Variants in ZC2HC1B observed in about 807,000 individuals in gnomAD.
The protein encoded by ZC2HC1B is zinc finger C2HC domain-containing protein 1B.
ZC2HC1B carries 36 observed loss-of-function variants against 31.0 expected under a neutral mutation model. The observed-to-expected ratio is 1.16, with a 90% confidence interval of 0.89 to 1.54. ZC2HC1B has a LOEUF of 1.54. ZC2HC1B is among the 40% of genes most tolerant of loss of function. ZC2HC1B has a pLI of 0.00. For missense variants in ZC2HC1B, 260 were observed against 268.6 expected (o/e 0.97, Z 0.22); for synonymous variants, 73 against 88.0 (o/e 0.83, Z 0.95).
At chr6:143,890,135 G>A (rs1339423815) in intron 4 of ZC2HC1B, among the ~76,000 whole-genome samples, 2 of 152,142 alleles carry the variant, frequency 1.3e-5, no homozygotes, top group East Asian at 3.9e-4. Flanking sequence ...CTAACTTTGT[G>A]GGATGCAGCT....
rs966004980 is a variant in ZC2HC1B at position 143,886,744 on chromosome 6, G to A, written c.272G>A (p.Arg91Gln). The change falls in exon 4 of 8, where the codon CGA (arginine) becomes CAA (glutamine). Residue 91 changes from arginine (R) to glutamine (Q), a missense_variant. Arg to Gln is a conservative substitution (Grantham distance 43). Coordinates refer to ENST00000237275, the MANE Select transcript of ZC2HC1B (RefSeq NM_001013623.3). The surrounding 1 kb of genome is among the most constrained non-coding windows in gnomAD (Gnocchi z 4.2). Reference protein sequence around the residue: ...QQHEDFINAIRSAKQCMLAIK... With the variant: ...QQHEDFINAIQSAKQCMLAIK... The stretch of plus-strand genomic sequence containing the variant: ...CATGAAGACTTTATTAATGCAATCC[G>A]ATCAGCAAAGCAGTGTATGCTAGCC... 8 of 1,549,382 alleles carry A rather than the reference G, an allele frequency of 5.2e-6. No individual in the cohort carries two copies. Among genetic ancestry groups the A allele is most frequent in the Non-Finnish European group, 6.1e-6 (7 of 1,145,860 alleles).
At chr6:143,877,827 T>C (rs887285300) in intron 1 of ZC2HC1B, among the ~76,000 whole-genome samples, 3 of 150,406 alleles carry the variant, frequency 2.0e-5, no homozygotes, top group African/African-American at 7.4e-5. Flanking sequence ...CTTTACATAT[T>C]TGCTAGTGGA....
rs201300470 is a variant in ZC2HC1B, at chr6:143,924,760, GA to G, written c.599-12886del. Among the ~76,000 whole-genome samples, 409 of 152,268 alleles carry G rather than the reference GA, an allele frequency of 2.7e-3. 7 individuals carry two copies. The East Asian group carries it at 0.043, about 16-fold the overall frequency. On this transcript the variant is annotated intron_variant, in intron 6 of 7. Coordinates refer to ENST00000237275, the MANE Select transcript of ZC2HC1B (RefSeq NM_001013623.3). The surrounding 1 kb of genome is among the most constrained non-coding windows in gnomAD (Gnocchi z 5.2). ...ATAAAATTCCTTTTCTCTGTCTCTT[GA>G]AATGATCATATTGTTTTTGTCTTTC...
Position 143,929,330 on chromosome 6 carries a change from T to C in ZC2HC1B, c.599-8319T>C, listed in dbSNP as rs140763777. Among the ~76,000 whole-genome samples, 44 of 152,336 alleles carry C rather than the reference T, an allele frequency of 2.9e-4. No individual in the cohort carries two copies. The East Asian group carries it at 8.3e-3, about 29-fold the overall frequency. On this transcript the variant is annotated intron_variant, in intron 6 of 7. Transcript: ENST00000237275. ...TTATCAAATGCTTTTTCTAATCTAT[T>C]GAGATGATAATATGGTTTTTGTTTT...
At chr6:143,874,235 C>T (rs1004291894) in intron 1 of ZC2HC1B, among the ~76,000 whole-genome samples, 17 of 152,168 alleles carry the variant, frequency 1.1e-4, no homozygotes, top group African/African-American at 3.9e-4. Flanking sequence ...TCCTCATCTC[C>T]ATCTGAGATC....
intron 4 of ZC2HC1B, among the ~76,000 whole-genome samples, chr6:143,894,851 C>T (rs774050092): frequency 6.6e-6 from 1 of 152,148 alleles, no homozygotes; most frequent in Non-Finnish European, 1.5e-5. Context: ...GAATTTCTCT[C>T]ACATTTTAGA....
At chr6:143,875,578 C>G (rs1409015359) in intron 1 of ZC2HC1B, among the ~76,000 whole-genome samples, 1 of 150,824 alleles carries the variant, frequency 6.6e-6, no homozygotes, top group Non-Finnish European at 1.5e-5. Flanking sequence ...ATACCACACC[C>G]TTAATATCCA....
rs972883396 is a variant in ZC2HC1B at position 143,915,078 on chromosome 6, C to T, written c.598+11926C>T. Reference sequence around the variant, plus strand: ...CTTTTTTGTTCCTCGTTTCCTGCATCACTGTTGATATGATTTGGCTGTGTC... The same window carrying T: ...CTTTTTTGTTCCTCGTTTCCTGCATTACTGTTGATATGATTTGGCTGTGTC... On this transcript the variant is annotated intron_variant, in intron 6 of 7. Transcript: ENST00000237275. This position sits in a 1 kb window ranked among gnomAD's most constrained non-coding sequence, Gnocchi z 5.2. 6.6e-6 allele frequency among the ~76,000 whole-genome samples: 1 copy of T among 152,160 alleles called. No homozygotes were observed. Among genetic ancestry groups the T allele is most frequent in the Non-Finnish European group, 1.5e-5 (1 of 68,016 alleles).
rs1232779910 is a variant in ZC2HC1B, at chr6:143,887,167, G to A, written c.349+346G>A. Among the ~76,000 whole-genome samples the A allele has an allele frequency of 6.6e-6, 1 of 151,798 alleles. No homozygotes were observed. Among genetic ancestry groups the A allele is most frequent in the Non-Finnish European group, 1.5e-5 (1 of 67,966 alleles). ...ACCCACAGCAATTTTTTTTTTCCAGGTAAAATTCCCAAAACATGAAATTTA... is the reference window on the plus strand; with the variant it reads ...ACCCACAGCAATTTTTTTTTTCCAGATAAAATTCCCAAAACATGAAATTTA... On this transcript the variant is annotated intron_variant, in intron 4 of 7. Coordinates refer to ENST00000237275, the MANE Select transcript of ZC2HC1B (RefSeq NM_001013623.3). The surrounding 1 kb of genome is among the most constrained non-coding windows in gnomAD (Gnocchi z 5.1).
Position 143,868,182 on chromosome 6 carries a change from C to G in ZC2HC1B, c.28+3615C>G, listed in dbSNP as rs1777289995. 6.6e-6 allele frequency among the ~76,000 whole-genome samples: 1 copy of G among 152,200 alleles called. No homozygotes were observed. The highest frequency in any genetic ancestry group is 1.9e-4 in the East Asian group (1 of 5,202). On this transcript the variant is annotated intron_variant, in intron 1 of 7. Transcript: ENST00000237275. This position sits in a 1 kb window ranked among gnomAD's most constrained non-coding sequence, Gnocchi z 4.2. Reference sequence around the variant, plus strand: ...TGGAAGTCTGTAGAATCTGTCTTCACTGTTCTGAAACTTCCATTTTACTGA... The same window carrying G: ...TGGAAGTCTGTAGAATCTGTCTTCAGTGTTCTGAAACTTCCATTTTACTGA...
chr6:143,868,740 A>C lies in ZC2HC1B; in HGVS notation c.28+4173A>C, dbSNP rs1777301050. Among the ~76,000 whole-genome samples the C allele has an allele frequency of 6.6e-6, 1 of 152,234 alleles. No individual in the cohort carries two copies. ...CATACATAATCTTCAAATAAAGACAATAATAAGGTCATAATTATGCCTAAC... is the reference window on the plus strand; with the variant it reads ...CATACATAATCTTCAAATAAAGACACTAATAAGGTCATAATTATGCCTAAC... On this transcript the variant is annotated intron_variant, in intron 1 of 7. Coordinates refer to ENST00000237275, the MANE Select transcript of ZC2HC1B (RefSeq NM_001013623.3). The surrounding 1 kb of genome is among the most constrained non-coding windows in gnomAD (Gnocchi z 4.2).
Position 143,870,604 on chromosome 6 carries a change from A to C in ZC2HC1B, c.28+6037A>C, listed in dbSNP as rs1231535115. On this transcript the variant is annotated intron_variant, in intron 1 of 7. Transcript: ENST00000237275. The surrounding 1 kb of genome is among the most constrained non-coding windows in gnomAD (Gnocchi z 4.7). ...AGATGGGTCAGAAAGCACTCAGTTC[A>C]TGATAGGCAGGTCAGGTTGCATGGT... 6.6e-6 allele frequency among the ~76,000 whole-genome samples: 1 copy of C among 152,190 alleles called. No individual in the cohort carries two copies. The highest frequency in any genetic ancestry group is 1.5e-5 in the Non-Finnish European group (1 of 68,036).
At position 143,871,851 on chromosome 6, in the gene ZC2HC1B, A is replaced by G. The variant is rs1777345026; in HGVS notation, c.28+7284A>G. Reference sequence around the variant, plus strand: ...CCAGCTGCTAAGTATGTCTATGCCAATTTTGCATTCTGGCACTGGGGAAAT... The same window carrying G: ...CCAGCTGCTAAGTATGTCTATGCCAGTTTTGCATTCTGGCACTGGGGAAAT... On this transcript the variant is annotated intron_variant, in intron 1 of 7. Coordinates refer to ENST00000237275, the MANE Select transcript of ZC2HC1B (RefSeq NM_001013623.3). This position sits in a 1 kb window ranked among gnomAD's most constrained non-coding sequence, Gnocchi z 4.1. 6.6e-6 allele frequency among the ~76,000 whole-genome samples: 1 copy of G among 152,108 alleles called. No homozygotes were observed. The highest frequency in any genetic ancestry group is 2.4e-5 in the African/African-American group (1 of 41,420).
In ZC2HC1B at chr6:143,935,728, C is replaced by G. The variant is rs150260225; in HGVS notation, c.599-1921C>G. Among the ~76,000 whole-genome samples, 299 of 127,094 alleles carry G rather than the reference C, an allele frequency of 2.4e-3. 6 individuals are homozygous for G. The East Asian group carries it at 0.045, about 19-fold the overall frequency. The allele number at this position is 127,094 out of a possible 152,430, so 83.4% of individuals were successfully genotyped here. A position where few individuals can be genotyped will look rare whatever the true frequency, so the allele number is the denominator to read the frequency against. On this transcript the variant is annotated intron_variant, in intron 6 of 7. Coordinates refer to ENST00000237275, the MANE Select transcript of ZC2HC1B (RefSeq NM_001013623.3). The stretch of plus-strand genomic sequence containing the variant: ...ATAGTGCAGTAGCTTGATCAAAGCT[C>G]TCTACAGCCTTGACTTCCTGGGTAC...
chr6:143,879,035 C>T (rs1278031274), intron 1 of ZC2HC1B, among the ~76,000 whole-genome samples: 4 of 152,100 alleles, frequency 2.6e-5, no homozygotes, highest in African/African-American at 4.8e-5. Context: ...GGGCAGGGCG[C>T]GATCTAGGAA....
Position 143,908,399 on chromosome 6 carries a change from T to C in ZC2HC1B, c.598+5247T>C, listed in dbSNP as rs780798100. 3.1e-4 allele frequency among the ~76,000 whole-genome samples: 47 copies of C among 152,274 alleles called. No homozygotes were observed. Among genetic ancestry groups the C allele is most frequent in the Non-Finnish European group, 3.8e-4 (26 of 68,046 alleles). On this transcript the variant is annotated intron_variant, in intron 6 of 7. Coordinates refer to ENST00000237275, the MANE Select transcript of ZC2HC1B (RefSeq NM_001013623.3). The surrounding 1 kb of genome is among the most constrained non-coding windows in gnomAD (Gnocchi z 4.4). Reference sequence around the variant, plus strand: ...CAATTTTCATGATATTGATTCTTCCTATTCATGAGCATGGTATATTTTTCC... The same window carrying C: ...CAATTTTCATGATATTGATTCTTCCCATTCATGAGCATGGTATATTTTTCC...
chr6:143,914,401 T>G (rs1185771496), intron 6 of ZC2HC1B, among the ~76,000 whole-genome samples: 1 of 152,238 alleles, frequency 6.6e-6, no homozygotes, highest in East Asian at 1.9e-4. Flanking sequence ...TATAGTTTTA[T>G]TTCTGCTTTA....
chr6:143,916,084 G>A lies in ZC2HC1B; in HGVS notation c.598+12932G>A, dbSNP rs149177050. Reference sequence around the variant, plus strand: ...GGCCCGAGGTTTAAGGGGAAAAAATGGTTTTGTGGGCCAAGCCCAGCATCC... The same window carrying A: ...GGCCCGAGGTTTAAGGGGAAAAAATAGTTTTGTGGGCCAAGCCCAGCATCC... On this transcript the variant is annotated intron_variant, in intron 6 of 7. Transcript: ENST00000237275. 1.2e-3 allele frequency among the ~76,000 whole-genome samples: 182 copies of A among 152,282 alleles called. 3 individuals carry two copies. The East Asian group carries it at 0.019, about 16-fold the overall frequency.
At chr6:143,888,802 A>G (rs1582957988) in intron 4 of ZC2HC1B, among the ~76,000 whole-genome samples, 3 of 152,078 alleles carry the variant, frequency 2.0e-5, no homozygotes, top group Non-Finnish European at 4.4e-5. Flanking sequence ...TGTGGAATCT[A>G]TAGGATTTTA....
Sources: allele counts gnomAD v4.1 joint callset (sites outside exome capture counted in the v4.1 genomes callset), GRCh38; gene constraint gnomAD v4.1.1; non-coding constraint Gnocchi (gnomAD v3.1); transcripts MANE v1.5; gene names NCBI Gene and HGNC (gene_info 2026-07-23, HGNC 2026-07-21).